ARMC2: variants seen among roughly 807,000 people sequenced by gnomAD.
ARMC2 encodes the protein armadillo repeat-containing protein 2.
Under a neutral mutation model 90.3 loss-of-function variants are expected in ARMC2, and 67 were observed. That is an observed-to-expected ratio of 0.74 (90% CI 0.61 to 0.91). The LOEUF (loss-of-function observed/expected upper bound fraction) is 0.91, where lower values mean the gene tolerates loss of function less well. ARMC2 is among the 40% of genes least tolerant of loss of function. The pLI is 0.00. For synonymous variants in ARMC2, 393 were observed against 393.0 expected, an observed-to-expected ratio of 1.00 and a Z score of 0.00; for missense variants, 920 against 1,030.9, an observed-to-expected ratio of 0.89 and a Z score of 1.47.
intron 4 of ARMC2, 64 bp from the exon 5 acceptor site, chr6:108,876,078 AT>A (rs966860243): frequency 6.4e-6 from 8 of 1,255,304 alleles, no homozygotes; most frequent in Non-Finnish European, 6.7e-6. Context: ...GAAAAATAAC[AT>A]TGAAAGGTAG....
chr6:109,007,538 T>C, the ARMC2 span, among the ~76,000 whole-genome samples: 5 of 152,196 alleles, frequency 3.3e-5, no homozygotes, highest in Non-Finnish European at 7.3e-5. Context: ...AGCATGTGTT[T>C]TTTGAAAAAC....
At chr6:108,885,690 GAAA>G (rs919555761) in intron 5 of ARMC2, among the ~76,000 whole-genome samples, 1 of 151,422 alleles carries the variant, frequency 6.6e-6, no homozygotes, top group African/African-American at 2.4e-5. Context: ...AAAAAGAAAA[GAAA>G]AGAAAAGAAA....
chr6:109,030,342 A>G, the ARMC2 span, among the ~76,000 whole-genome samples: 1 of 152,250 alleles, frequency 6.6e-6, no homozygotes, highest in Non-Finnish European at 1.5e-5. Context: ...CAAAGGCATG[A>G]TCAAGGCTCT....
chr6:108,946,017 C>T (rs1317940881), intron 12 of ARMC2, among the ~76,000 whole-genome samples: 1 of 152,242 alleles, frequency 6.6e-6, no homozygotes, highest in African/African-American at 2.4e-5. Context: ...GTGCTGAGAG[C>T]ATTTGGCTGA....
At position 108,890,189 on chromosome 6, in the gene ARMC2, CAAAAAAAAAAAAAAAAAAAAAAA is replaced by C. The variant is rs869186045; in HGVS notation, c.672-4260_672-4238del. 1.9e-4 allele frequency among the ~76,000 whole-genome samples: 12 copies of C among 64,250 alleles called. No homozygotes were observed. In the East Asian group the frequency reaches 2.3e-3, roughly 12 times the overall value. 42.2% of individuals were successfully genotyped at this position (64,250 alleles called of 152,430 possible). On this transcript the variant is annotated intron_variant, in intron 5 of 17. Transcript: ENST00000392644. ...TGGGTGACAGAGCGAGACTCCGTCTCAAAAAAAAAAAAAAAAAAAAAAAAAAAAAAAAAAAAAAAACAGTGGTT... is the reference window on the plus strand; with the variant it reads ...TGGGTGACAGAGCGAGACTCCGTCTCAAAAAAAAAAAAAAAAACAGTGGTT...
chr6:108,885,691 A>G (rs1274378572), intron 5 of ARMC2, among the ~76,000 whole-genome samples: 1 of 152,008 alleles, frequency 6.6e-6, no homozygotes, highest in Non-Finnish European at 1.5e-5. Context: ...AAAAGAAAAG[A>G]AAAGAAAAGA....
chr6:108,849,533 A>T (rs1293272809), intron 1 of ARMC2, among the ~76,000 whole-genome samples: 1 of 151,772 alleles, frequency 6.6e-6, no homozygotes, highest in Non-Finnish European at 1.5e-5. Context: ...GTATAATAAT[A>T]AAAAAAAACT....
At chr6:109,025,907 C>T in the ARMC2 span, among the ~76,000 whole-genome samples, 3 of 149,068 alleles carry the variant, frequency 2.0e-5, no homozygotes, top group African/African-American at 7.4e-5. Flanking sequence ...TTCTAAGACA[C>T]GATGGTTAAG....
the ARMC2 span, among the ~76,000 whole-genome samples, chr6:108,982,748 T>C: frequency 6.6e-6 from 1 of 152,182 alleles, no homozygotes; most frequent in South Asian, 2.1e-4. Flanking sequence ...TTTCATAATT[T>C]TTGTTTGTTG....
At chr6:108,871,482 G>A (rs1776409713) in intron 4 of ARMC2, among the ~76,000 whole-genome samples, 1 of 152,174 alleles carries the variant, frequency 6.6e-6, no homozygotes, top group African/African-American at 2.4e-5. Context: ...GCTGGGACCT[G>A]GAGGTGAAGG....
At chr6:109,031,271 G>T in the ARMC2 span, among the ~76,000 whole-genome samples, 3 of 152,120 alleles carry the variant, frequency 2.0e-5, no homozygotes, top group Admixed American at 6.5e-5. Context: ...TACTGCAGGG[G>T]GTAATAAAGG....
At chr6:108,856,462 T>A in intron 2 of ARMC2, 1 of 212,802 alleles carries the variant, frequency 4.7e-6, no homozygotes, top group South Asian at 8.3e-5. Flanking sequence ...TCTCTGTCAG[T>A]TTTACAGAGA....
At chr6:108,877,317 G>A (rs1275599287) in intron 5 of ARMC2, among the ~76,000 whole-genome samples, 1 of 152,176 alleles carries the variant, frequency 6.6e-6, no homozygotes, top group Non-Finnish European at 1.5e-5. Context: ...TTTCCCCCAA[G>A]TGGCTGCTTG....
chr6:109,038,363 A>G, the ARMC2 span, among the ~76,000 whole-genome samples: 1 of 152,190 alleles, frequency 6.6e-6, no homozygotes. Flanking sequence ...GTGGTGGTAC[A>G]TGCCTATAGT....
intron 11 of ARMC2, among the ~76,000 whole-genome samples, chr6:108,930,592 C>CTTTTTTTTT (rs144870507): frequency 3.2e-5 from 3 of 93,778 alleles, no homozygotes; most frequent in South Asian, 4.1e-4. Flanking sequence ...TGCCCTGAAT[C>CTTTTTTTTT]TTTTTTTTTT....
intron 12 of ARMC2, among the ~76,000 whole-genome samples, chr6:108,946,371 G>A (rs923458068): frequency 6.6e-6 from 1 of 152,156 alleles, no homozygotes; most frequent in Admixed American, 6.5e-5. Context: ...TAGATTCTTG[G>A]CTTTGAGTCT....
At chr6:108,889,505 A>G (rs1770722997) in intron 5 of ARMC2, among the ~76,000 whole-genome samples, 1 of 151,426 alleles carries the variant, frequency 6.6e-6, no homozygotes, top group African/African-American at 2.4e-5. Context: ...CAATGGCACA[A>G]TCACAGCTCA....
At chr6:108,882,639 C>T (rs1424114836) in intron 5 of ARMC2, among the ~76,000 whole-genome samples, 1 of 152,020 alleles carries the variant, frequency 6.6e-6, no homozygotes, top group Non-Finnish European at 1.5e-5. Context: ...ACATGGTGGA[C>T]AGGCTAGAAG....
chr6:108,870,643 A>C (rs1296448709), intron 4 of ARMC2, among the ~76,000 whole-genome samples: 3 of 152,156 alleles, frequency 2.0e-5, no homozygotes, highest in Non-Finnish European at 4.4e-5. Context: ...AGGAAGGAAG[A>C]AAAGAGAAGA....
Sources: allele counts gnomAD v4.1 joint callset (sites outside exome capture counted in the v4.1 genomes callset), GRCh38; gene constraint gnomAD v4.1.1; transcripts MANE v1.5; gene names NCBI Gene and HGNC (gene_info 2026-07-23, HGNC 2026-07-21).